The following EPN2 variants were observed in gnomAD, a reference collection of about 807,000 sequenced individuals.
EPN2 encodes epsin-2.
Under a neutral mutation model 61.7 loss-of-function variants are expected in EPN2, and 34 were observed. The observed-to-expected ratio is 0.55, with a 90% CI of 0.42 to 0.73. The LOEUF is 0.73. Ranked by LOEUF, EPN2 falls within the 30% of genes least tolerant of loss-of-function variation. EPN2 has a pLI of 0.00. For synonymous variants in EPN2, 349 were observed against 353.6 expected (o/e 0.99, Z 0.15); for missense variants, 714 against 839.2 (o/e 0.85, Z 1.84).
At chr17:19,305,599 G>A (rs149971933) in intron 4 of EPN2, among the ~76,000 whole-genome samples, 13 of 152,202 alleles carry the variant, frequency 8.5e-5, no homozygotes, top group African/African-American at 2.7e-4. Context: ...CTACCAACTC[G>A]ATTGCCTTCT....
rs764191775 is a variant in EPN2, at chr17:19,313,265, C to A, written c.1133C>A (p.Pro378His). The change falls in exon 7 of 11, where the codon CCC becomes CAC. Residue 378 changes from proline to histidine, a missense_variant. Physicochemically the swap from Pro to His is moderately conservative, Grantham distance 77. Coordinates refer to ENST00000314728, the MANE Select transcript of EPN2 (RefSeq NM_014964.5). Reference protein sequence around the residue: ...GPAAPASTSDPWPSFGTKPAA... With the variant: ...GPAAPASTSDHWPSFGTKPAA... ...GCGGCTCCTGCGAGTACTTCAGACC[C>A]CTGGCCATCGTTTGGTAAAGACCCC... 6.5e-7 allele frequency: 1 copy of A among 1,546,336 alleles called. No homozygotes were observed. The highest frequency in any genetic ancestry group is 8.7e-7 in the Non-Finnish European group (1 of 1,150,708).
intron 7 of EPN2, among the ~76,000 whole-genome samples, chr17:19,322,759 A>G (rs1352788497): frequency 6.7e-6 from 1 of 149,552 alleles, no homozygotes; most frequent in East Asian, 1.9e-4. Context: ...AAAAAAAAAA[A>G]GGTAGTGGCT....
Position 19,328,861 on chromosome 17 carries a change from C to T in EPN2, c.1298C>T (p.Ser433Phe), listed in dbSNP as rs747260717. ...GCTTCTGACGCGTGGGGCGCAGTCT[C>T]CACCACCAAGCCCGTGTCTGTCTCT... ...KRASDAWGAVSTTKPVSVSGS... is the reference protein window; with the variant it reads ...KRASDAWGAVFTTKPVSVSGS... The change falls in exon 8 of 11, where the codon TCC becomes TTC. Residue 433 changes from serine (S) to phenylalanine (F), a missense_variant. Around this residue, in one of 2 missense-constraint regions of EPN2, gnomAD observed 410 missense variants for 421.8 expected, o/e 0.97. Transcript: ENST00000314728. 3 of 1,612,644 alleles carry T rather than the reference C, an allele frequency of 1.9e-6. No individual in the cohort carries two copies.
intron 7 of EPN2, among the ~76,000 whole-genome samples, chr17:19,328,333 C>T (rs1906993296): frequency 6.6e-6 from 1 of 152,078 alleles, no homozygotes; most frequent in Non-Finnish European, 1.5e-5. Flanking sequence ...GAGGAGGGAG[C>T]CTGGATTCTG....
chr17:19,302,398 C>T (rs539749756), intron 4 of EPN2, among the ~76,000 whole-genome samples: 31 of 152,338 alleles, frequency 2.0e-4, no homozygotes, highest in Non-Finnish European at 3.5e-4. Flanking sequence ...TATTTATAGC[C>T]GCTCCCCATC....
At chr17:19,306,574 G>T (rs926486225) in intron 4 of EPN2, among the ~76,000 whole-genome samples, 2 of 152,236 alleles carry the variant, frequency 1.3e-5, no homozygotes, top group African/African-American at 4.8e-5. Flanking sequence ...AGTTATGGTA[G>T]ACGTAAACAT....
At chr17:19,286,478 T>G (rs908080272) in intron 4 of EPN2, among the ~76,000 whole-genome samples, 5 of 152,192 alleles carry the variant, frequency 3.3e-5, no homozygotes, top group Non-Finnish European at 7.4e-5. Context: ...CAGGTTAAAC[T>G]GAAAACAGAT....
intron 1 of EPN2, among the ~76,000 whole-genome samples, chr17:19,270,163 C>T (rs2045239158): frequency 6.6e-6 from 1 of 152,192 alleles, no homozygotes; most frequent in Non-Finnish European, 1.5e-5. Flanking sequence ...ATAACTCCTC[C>T]ATAGGATTGT....
At chr17:19,238,145 G>C (rs2044839517) in intron 1 of EPN2, among the ~76,000 whole-genome samples, 1 of 152,258 alleles carries the variant, frequency 6.6e-6, no homozygotes. Context: ...CGGAACAGCG[G>C]GGACGGGGGC....
intron 9 of EPN2, among the ~76,000 whole-genome samples, chr17:19,330,027 G>C (rs1476730499): frequency 6.6e-6 from 1 of 152,210 alleles, no homozygotes; most frequent in Non-Finnish European, 1.5e-5. Flanking sequence ...AGTGGGGCCA[G>C]CCTCTGCCCT....
chr17:19,250,801 A>C (rs138244674), intron 1 of EPN2, among the ~76,000 whole-genome samples: 2 of 152,094 alleles, frequency 1.3e-5, no homozygotes, highest in East Asian at 3.9e-4. Context: ...AGGGTGGCTG[A>C]GTTTGTCTAC....
chr17:19,286,537 A>G (rs757719055), intron 4 of EPN2, among the ~76,000 whole-genome samples: 1 of 152,286 alleles, frequency 6.6e-6, no homozygotes, highest in African/African-American at 2.4e-5. Flanking sequence ...ATTGGTCCCA[A>G]GTGGGTTCTC....
At chr17:19,326,005 C>G (rs1906851319) in intron 7 of EPN2, among the ~76,000 whole-genome samples, 1 of 152,104 alleles carries the variant, frequency 6.6e-6, no homozygotes, top group Admixed American at 6.5e-5. Flanking sequence ...ATACTAGTTC[C>G]TAGAAATAAT....
chr17:19,333,933 T>C (rs544183116), intron 10 of EPN2, 23 bp from the exon 11 acceptor site: 34 of 1,513,830 alleles, frequency 2.2e-5, no homozygotes, highest in East Asian at 4.7e-5. Flanking sequence ...GCTCAGCCTC[T>C]GCCCCTCCTT....
intron 1 of EPN2, among the ~76,000 whole-genome samples, chr17:19,265,957 A>G (rs1175161931): frequency 1.3e-5 from 2 of 151,926 alleles, no homozygotes; most frequent in Non-Finnish European, 2.9e-5. Context: ...CACTCTGTTT[A>G]TGTCCATCAC....
chr17:19,262,487 C>G (rs2045152882), intron 1 of EPN2, among the ~76,000 whole-genome samples: 1 of 152,156 alleles, frequency 6.6e-6, no homozygotes, highest in Non-Finnish European at 1.5e-5. Context: ...ATCTCAAAAA[C>G]AAAACAAAAC....
At chr17:19,284,585 T>C (rs189095229) in intron 3 of EPN2, among the ~76,000 whole-genome samples, 217 of 152,334 alleles carry the variant, frequency 1.4e-3, no homozygotes, top group African/African-American at 4.9e-3. Context: ...TTCTGGCTGC[T>C]AAAACAAAAG....
chr17:19,309,907 C>T lies in EPN2; in HGVS notation c.789C>T (p.Ser263=), dbSNP rs369980154. Reference sequence around the variant, plus strand: ...CAGCCACCTCCCCGCGAGTGTCCTCCGAGCTGGAGCAAGCCCGGCCCCAGA... The same window carrying T: ...CAGCCACCTCCCCGCGAGTGTCCTCTGAGCTGGAGCAAGCCCGGCCCCAGA... ...AARATSPRVS[S]ELEQARPQTS... Residue 263 remains serine, a synonymous_variant, in exon 5 of 11, where the codon TCC becomes TCT. Transcript: ENST00000314728. The T allele has an allele frequency of 1.9e-5, 30 of 1,608,328 alleles. No homozygotes were observed. The highest frequency in any genetic ancestry group is 1.6e-4 in the South Asian group (15 of 91,090).
intron 1 of EPN2, among the ~76,000 whole-genome samples, chr17:19,261,928 C>T (rs900454692): frequency 6.6e-6 from 1 of 152,220 alleles, no homozygotes; most frequent in Non-Finnish European, 1.5e-5. Flanking sequence ...TGGCTCACAC[C>T]TGTAATCCCA....
Sources: allele counts gnomAD v4.1 joint callset (sites outside exome capture counted in the v4.1 genomes callset), GRCh38; gene constraint gnomAD v4.1.1; regional missense constraint gnomAD v4.1.1; transcripts MANE v1.5; gene names NCBI Gene and HGNC (gene_info 2026-07-23, HGNC 2026-07-21).